Variants in STXBP5L observed in about 807,000 individuals in gnomAD.
STXBP5L encodes syntaxin-binding protein 5-like.
A neutral mutation model predicts 144.5 loss-of-function variants in STXBP5L; 65 were observed. The ratio of observed to expected loss-of-function variants is 0.45; its 90% CI spans 0.37 to 0.55. STXBP5L has a LOEUF of 0.55. Ranked by LOEUF, STXBP5L falls within the 20% of genes least tolerant of loss-of-function variation. STXBP5L has a pLI of 0.00. For synonymous variants in STXBP5L, 505 were observed against 469.6 expected, an observed-to-expected ratio of 1.08 and a Z score of -0.97; for missense variants, 1,298 against 1,405.5, an observed-to-expected ratio of 0.92 and a Z score of 1.22.
At chr3:121,164,826 T>C (rs1218400699) in intron 9 of STXBP5L, among the ~76,000 whole-genome samples, 1 of 152,176 alleles carries the variant, frequency 6.6e-6, no homozygotes, top group Non-Finnish European at 1.5e-5. Flanking sequence ...ATGTGAAATT[T>C]TTTTTAAAAA....
rs200748097 is a variant in STXBP5L at position 121,259,153 on chromosome 3, G to A, written c.1943G>A (p.Ser648Asn). The change falls in exon 18 of 27, where the codon AGC (serine) becomes AAC (asparagine). Residue 648 changes from serine (S) to asparagine (N), a missense_variant. Ser to Asn is a conservative substitution (Grantham distance 46, BLOSUM62 1). Transcript: ENST00000471454. Reference sequence around the variant, plus strand: ...CAACAGATTACTAGTCTTGCTGTAAGCTCAGCATATGGAATGTAAGTAATT... The same window carrying A: ...CAACAGATTACTAGTCTTGCTGTAAACTCAGCATATGGAATGTAAGTAATT... ...PPQQITSLAV[S>N]SAYGIVAFGN... 270 of 1,580,732 alleles carry A rather than the reference G, an allele frequency of 1.7e-4. No homozygotes were observed. The highest frequency in any genetic ancestry group is 2.1e-4 in the Non-Finnish European group (245 of 1,162,114).
intron 5 of STXBP5L, among the ~76,000 whole-genome samples, chr3:121,052,408 G>A (rs1195406649): frequency 6.6e-6 from 1 of 152,176 alleles, no homozygotes; most frequent in South Asian, 2.1e-4. Flanking sequence ...TGATCAAGTG[G>A]GCTTCATCCC....
chr3:121,300,172 C>G (rs2051832141), intron 19 of STXBP5L, among the ~76,000 whole-genome samples: 1 of 151,978 alleles, frequency 6.6e-6, no homozygotes, highest in African/African-American at 2.4e-5. Context: ...ATAATGACGT[C>G]TTTTAAGTGC....
chr3:121,402,144 T>C (rs912605633), intron 22 of STXBP5L, among the ~76,000 whole-genome samples: 9 of 152,122 alleles, frequency 5.9e-5, no homozygotes, highest in South Asian at 2.1e-4. Context: ...AAATCCATAA[T>C]TAAGACTGAA....
chr3:121,004,166 T>G (rs1232982551), intron 3 of STXBP5L, among the ~76,000 whole-genome samples: 1 of 152,218 alleles, frequency 6.6e-6, no homozygotes, highest in African/African-American at 2.4e-5. Context: ...ATGATATTGA[T>G]TCTTCCTACC....
intron 10 of STXBP5L, among the ~76,000 whole-genome samples, chr3:121,213,020 T>C (rs908281988): frequency 3.3e-5 from 5 of 152,136 alleles, no homozygotes; most frequent in African/African-American, 1.2e-4. Context: ...CTGTCTGTTA[T>C]TGGTGTATAG....
intron 9 of STXBP5L, among the ~76,000 whole-genome samples, chr3:121,178,483 C>T (rs1373294086): frequency 6.6e-6 from 1 of 152,000 alleles, no homozygotes; most frequent in East Asian, 1.9e-4. Flanking sequence ...CATGATAAAG[C>T]ATCTTTTGAT....
intron 2 of STXBP5L, among the ~76,000 whole-genome samples, chr3:120,930,787 T>G (rs1349090611): frequency 6.6e-6 from 1 of 152,130 alleles, no homozygotes; most frequent in Non-Finnish European, 1.5e-5. Context: ...AGTTTTGAAA[T>G]GTACTAGGAT....
intron 9 of STXBP5L, among the ~76,000 whole-genome samples, chr3:121,200,536 G>T (rs1217518680): frequency 1.3e-5 from 2 of 151,906 alleles, no homozygotes; most frequent in African/African-American, 4.8e-5. Context: ...GAATTTGTTT[G>T]CTCTTTCTTC....
Position 121,101,902 on chromosome 3 carries a change from G to A in STXBP5L, c.471-13023G>A, listed in dbSNP as rs536512044. Among the ~76,000 whole-genome samples, 3 of 150,312 alleles carry A rather than the reference G, an allele frequency of 2.0e-5. No individual in the cohort carries two copies. In the South Asian group the frequency reaches 6.2e-4, roughly 31 times the overall value. ...AAAGTTTCCGGATACAAAGTCAGTA[G>A]CATTTCTATCTACCAATAATGTTCA... On this transcript the variant is annotated intron_variant, in intron 5 of 26. Coordinates refer to ENST00000471454, the MANE Select transcript of STXBP5L (RefSeq NM_001308330.2).
chr3:121,412,741 A>AAC (rs1553791258), intron 23 of STXBP5L, among the ~76,000 whole-genome samples: 1 of 148,524 alleles, frequency 6.7e-6, no homozygotes, highest in African/African-American at 2.5e-5. Flanking sequence ...AAAAAAAAAA[A>AAC]AAAAAAAACA....
intron 22 of STXBP5L, among the ~76,000 whole-genome samples, chr3:121,389,001 C>G (rs1249836382): frequency 6.6e-6 from 1 of 152,172 alleles, no homozygotes; most frequent in Non-Finnish European, 1.5e-5. Context: ...TAGAATACAG[C>G]TATGAATCCA....
chr3:121,094,774 T>G (rs1358222765), intron 5 of STXBP5L, among the ~76,000 whole-genome samples: 1 of 152,194 alleles, frequency 6.6e-6, no homozygotes, highest in Admixed American at 6.5e-5. Flanking sequence ...CCATTTACAT[T>G]GAAAGTTAAT....
intron 18 of STXBP5L, among the ~76,000 whole-genome samples, chr3:121,273,780 A>G (rs1201061546): frequency 6.6e-6 from 1 of 151,898 alleles, no homozygotes; most frequent in Non-Finnish European, 1.5e-5. Flanking sequence ...TCTGTCTTCA[A>G]GTTTTCAAAT....
At chr3:121,186,380 T>C (rs919858967) in intron 9 of STXBP5L, among the ~76,000 whole-genome samples, 9 of 152,206 alleles carry the variant, frequency 5.9e-5, no homozygotes, top group Non-Finnish European at 8.8e-5. Context: ...GTGCCCATTT[T>C]CAAAGGGAGT....
chr3:121,349,588 G>T (rs1312471488), intron 20 of STXBP5L, among the ~76,000 whole-genome samples: 1 of 152,072 alleles, frequency 6.6e-6, no homozygotes, highest in African/African-American at 2.4e-5. Flanking sequence ...TTGTGTGGGA[G>T]TCTAAGTCTC....
intron 19 of STXBP5L, among the ~76,000 whole-genome samples, chr3:121,318,213 T>C (rs1330963534): frequency 6.6e-6 from 1 of 151,998 alleles, no homozygotes; most frequent in Non-Finnish European, 1.5e-5. Context: ...ATCCCAACAC[T>C]TTGGGAAGCT....
At chr3:121,020,084 A>T (rs962823248) in intron 3 of STXBP5L, among the ~76,000 whole-genome samples, 2 of 152,232 alleles carry the variant, frequency 1.3e-5, no homozygotes, top group Non-Finnish European at 2.9e-5. Context: ...ATAAAAAACA[A>T]TCACAACTTC....
chr3:121,066,333 G>C (rs530993691), intron 5 of STXBP5L, among the ~76,000 whole-genome samples: 1 of 149,456 alleles, frequency 6.7e-6, no homozygotes, highest in Non-Finnish European at 1.5e-5. Context: ...GATTAAGAAA[G>C]TTTATTTTGC....
Sources: gnomAD v4.1 joint callset for allele counts (sites outside exome capture counted in the v4.1 genomes callset) on GRCh38, gnomAD v4.1.1 for gene constraint, MANE v1.5 for transcripts, NCBI Gene and HGNC (gene_info 2026-07-23, HGNC 2026-07-21) for gene names.